ANK3: variants seen among roughly 807,000 people sequenced by gnomAD.
ANK3 encodes ankyrin 3, also known as ankyrin-3.
In ANK3, 57 loss-of-function variants were observed where a neutral mutation model predicts 370.9. The ratio of observed to expected loss-of-function variants is 0.15; its 90% confidence interval spans 0.12 to 0.19. The LOEUF is 0.19. ANK3 is among the 10% of genes least tolerant of loss of function. The probability of loss-of-function intolerance (pLI) is 1.00; values close to 1 mark genes in which losing one functional copy is unlikely to be tolerated. For missense variants in ANK3, 4,439 were observed against 5,302.1 expected, an observed-to-expected ratio of 0.84 and a Z score of 5.06; for synonymous variants, 1,929 against 1,946.3, an observed-to-expected ratio of 0.99 and a Z score of 0.23.
intron 42 of ANK3, among the ~76,000 whole-genome samples, chr10:60,045,272 T>C (rs1254851650): frequency 6.6e-6 from 1 of 152,226 alleles, no homozygotes; most frequent in Non-Finnish European, 1.5e-5. Context: ...AATCTGGCTT[T>C]CTGATTTGTT....
intron 34 of ANK3, 193 bp downstream of exon 34, chr10:60,082,422 G>T: frequency 1.3e-6 from 1 of 789,744 alleles, no homozygotes; most frequent in Non-Finnish European, 2.0e-6. Context: ...GCGATAAACA[G>T]AGAAGACTCC....
intron 1 of ANK3, among the ~76,000 whole-genome samples, chr10:60,626,358 T>C (rs1726602403): frequency 6.6e-6 from 1 of 152,186 alleles, no homozygotes; most frequent in African/African-American, 2.4e-5. Context: ...ATAGTAGGTC[T>C]AATAACAACT....
chr10:60,485,762 G>C (rs925693932), intron 2 of ANK3, among the ~76,000 whole-genome samples: 1 of 152,178 alleles, frequency 6.6e-6, no homozygotes, highest in Non-Finnish European at 1.5e-5. Flanking sequence ...CACTTGAGTT[G>C]TATTTGCTGG....
intron 28 of ANK3, among the ~76,000 whole-genome samples, chr10:60,092,293 G>T (rs750386552): frequency 8.5e-5 from 13 of 152,126 alleles, no homozygotes; most frequent in Admixed American, 2.0e-4. Context: ...GATACATACT[G>T]CACAGGTCCC....
chr10:60,048,011 G>A (rs2077231915), intron 42 of ANK3, among the ~76,000 whole-genome samples: 1 of 152,110 alleles, frequency 6.6e-6, no homozygotes, highest in Non-Finnish European at 1.5e-5. Flanking sequence ...AAACTTCATA[G>A]AAAAAGAATG....
chr10:60,492,687 A>T (rs531194994), intron 2 of ANK3, among the ~76,000 whole-genome samples: 1 of 143,064 alleles, frequency 7.0e-6, no homozygotes, highest in East Asian at 2.0e-4. Context: ...AGCCTGGGCA[A>T]CACAGTGAGA....
intron 38 of ANK3, among the ~76,000 whole-genome samples, chr10:60,067,544 G>A (rs542949743): frequency 6.6e-6 from 1 of 152,246 alleles, no homozygotes; most frequent in African/African-American, 2.4e-5. Context: ...CTAGAAAACT[G>A]CCCTAAGGAC....
At chr10:60,532,257 G>C (rs1433257213) in intron 2 of ANK3, among the ~76,000 whole-genome samples, 1 of 152,082 alleles carries the variant, frequency 6.6e-6, no homozygotes, top group Admixed American at 6.6e-5. Context: ...TGTATGTGTG[G>C]CCATCTTTGT....
intron 2 of ANK3, among the ~76,000 whole-genome samples, chr10:60,574,330 C>A (rs2077656218): frequency 6.6e-6 from 1 of 152,136 alleles, no homozygotes; most frequent in Non-Finnish European, 1.5e-5. Context: ...AACCACAGGG[C>A]AGCTATTTGA....
intron 25 of ANK3, among the ~76,000 whole-genome samples, chr10:60,125,358 C>T (rs2093702363): frequency 6.6e-6 from 1 of 152,168 alleles, no homozygotes; most frequent in Non-Finnish European, 1.5e-5. Flanking sequence ...CAGCTTGAGA[C>T]ATCAAAACTA....
chr10:60,656,006 G>A (rs2078858557), intron 1 of ANK3, among the ~76,000 whole-genome samples: 1 of 152,130 alleles, frequency 6.6e-6, no homozygotes, highest in South Asian at 2.1e-4. Flanking sequence ...TGCCATCTAG[G>A]TCTGTGTAAG....
chr10:60,518,883 C>T (rs1196950698), intron 2 of ANK3, among the ~76,000 whole-genome samples: 1 of 150,052 alleles, frequency 6.7e-6, no homozygotes, highest in Admixed American at 6.6e-5. Context: ...CTTACCCAAA[C>T]TGATAAAAAG....
chr10:60,329,166 C>T (rs1406327252), intron 1 of ANK3, among the ~76,000 whole-genome samples: 1 of 152,176 alleles, frequency 6.6e-6, no homozygotes, highest in Non-Finnish European at 1.5e-5. Flanking sequence ...GACAAACCCA[C>T]AGCCAATATC....
At chr10:60,217,065 AG>A (rs2096950591) in intron 8 of ANK3, among the ~76,000 whole-genome samples, 1 of 152,140 alleles carries the variant, frequency 6.6e-6, no homozygotes, top group Non-Finnish European at 1.5e-5. Flanking sequence ...AGGTGTTTAT[AG>A]TATTTGCTGA....
chr10:60,119,863 A>T lies in ANK3; in HGVS notation c.2842-5532T>A, dbSNP rs2132130705. ...GGAATCAATAGTGTTAAATATTGTT[A>T]AATATTTAACAGTATGTCCATACTG... On this transcript the variant is annotated intron_variant, in intron 25 of 43. Transcript: ENST00000280772. 2.6e-5 allele frequency among the ~76,000 whole-genome samples: 4 copies of T among 152,324 alleles called. 1 individual carries two copies. Among genetic ancestry groups the T allele is most frequent in the Admixed American group, 2.6e-4 (4 of 15,304 alleles).
chr10:60,339,217 G>A (rs1447203852), intron 1 of ANK3, among the ~76,000 whole-genome samples: 2 of 152,178 alleles, frequency 1.3e-5, no homozygotes, highest in East Asian at 3.9e-4. Flanking sequence ...TTTCTGCATT[G>A]CGATGAAAAT....
chr10:60,540,541 T>C (rs2076822836), intron 2 of ANK3, among the ~76,000 whole-genome samples: 2 of 151,856 alleles, frequency 1.3e-5, no homozygotes, highest in African/African-American at 4.8e-5. Context: ...TAGGAAACCA[T>C]TTACTGAGTT....
At chr10:60,602,385 G>C (rs993360586) in intron 2 of ANK3, among the ~76,000 whole-genome samples, 16 of 152,024 alleles carry the variant, frequency 1.1e-4, no homozygotes, top group Non-Finnish European at 2.2e-4. Flanking sequence ...CCATTCTATT[G>C]ATAACTAGGC....
At chr10:60,462,102 T>G (rs2064900112) in intron 2 of ANK3, among the ~76,000 whole-genome samples, 1 of 152,016 alleles carries the variant, frequency 6.6e-6, no homozygotes. Flanking sequence ...GAAGATTTGG[T>G]CAAGAGCTGG....
Sources: gnomAD v4.1 joint callset for allele counts (sites outside exome capture counted in the v4.1 genomes callset) on GRCh38, gnomAD v4.1.1 for gene constraint, MANE v1.5 for transcripts, NCBI Gene and HGNC (gene_info 2026-07-23, HGNC 2026-07-21) for gene names.